Variants in SEMA3D observed in about 807,000 individuals in gnomAD.
SEMA3D encodes semaphorin 3D, also known as semaphorin-3D.
In SEMA3D, 84 loss-of-function variants were observed where a neutral mutation model predicts 100.1. The ratio of observed to expected loss-of-function variants is 0.84; its 90% CI spans 0.70 to 1.01. The LOEUF (loss-of-function observed/expected upper bound fraction) is 1.01, where lower values mean the gene tolerates loss of function less well. Ranked by LOEUF, SEMA3D falls within the 50% of genes least tolerant of loss-of-function variation. The probability of loss-of-function intolerance (pLI) is 0.00; values close to 1 mark genes in which losing one functional copy is unlikely to be tolerated. For missense variants in SEMA3D, 875 were observed against 934.1 expected, an observed-to-expected ratio of 0.94 and a Z score of 0.82; for synonymous variants, 312 against 320.7, an observed-to-expected ratio of 0.97 and a Z score of 0.29.
At chr7:85,187,850 A>G (rs746205039), upstream of SEMA3D, among the ~76,000 whole-genome samples, 6 of 152,210 alleles carry the variant, frequency 3.9e-5, no homozygotes, top group Non-Finnish European at 5.9e-5. Flanking sequence ...GGACATTAAA[A>G]AGGCCTGTGC....
At chr7:85,187,093 C>G (rs1475417235), upstream of SEMA3D, among the ~76,000 whole-genome samples, 1 of 152,136 alleles carries the variant, frequency 6.6e-6, no homozygotes, top group African/African-American at 2.4e-5. Flanking sequence ...GATTACCTTT[C>G]CCCTTCCGAT....
intron 6 of SEMA3D, among the ~76,000 whole-genome samples, chr7:85,069,720 C>T (rs1381603487): frequency 2.0e-5 from 3 of 152,104 alleles, no homozygotes; most frequent in Non-Finnish European, 4.4e-5. Flanking sequence ...AGTAAGAAAA[C>T]ATTTATTTAT....
Position 85,141,673 on chromosome 7 carries a change from G to A in SEMA3D, c.-41+11935C>T, listed in dbSNP as rs1790055497. On this transcript the variant is annotated intron_variant, in intron 2 of 18. Transcript: ENST00000284136. Reference sequence around the variant, plus strand: ...TCTAAATAAGAACATGTTCCTTTTGGGCTGAATAGTACCAGTTTACCTAAA... The same window carrying A: ...TCTAAATAAGAACATGTTCCTTTTGAGCTGAATAGTACCAGTTTACCTAAA... 3 of 979,996 alleles carry A rather than the reference G, an allele frequency of 3.1e-6. No homozygotes were observed. In the South Asian group the frequency reaches 1.4e-4, roughly 46 times the overall value. 60.7% of individuals were successfully genotyped at this position (979,996 alleles called of 1,614,324 possible). A position where few individuals can be genotyped will look rare whatever the true frequency, so the allele number is the denominator to read the frequency against.
At chr7:85,175,237 T>C (rs974179586) in intron 1 of SEMA3D, among the ~76,000 whole-genome samples, 4 of 152,144 alleles carry the variant, frequency 2.6e-5, no homozygotes, top group African/African-American at 7.2e-5. Context: ...ATAAAAGTAC[T>C]AGTTCCTGAA....
At position 85,123,866 on chromosome 7, in the gene SEMA3D, C is replaced by T. The variant is rs545497412; in HGVS notation, c.-40-1935G>A. Among the ~76,000 whole-genome samples, 26 of 152,080 alleles carry T rather than the reference C, an allele frequency of 1.7e-4. 1 individual carries two copies. The East Asian group carries it at 4.6e-3, about 27-fold the overall frequency. On this transcript the variant is annotated intron_variant, in intron 2 of 18. Transcript: ENST00000284136. ...GTTGTATTAAATATAACAAATATTGCATATTTTATTTACATTTAATTGACA... is the reference window on the plus strand; with the variant it reads ...GTTGTATTAAATATAACAAATATTGTATATTTTATTTACATTTAATTGACA...
At chr7:85,074,453 G>A (rs1465275184) in intron 5 of SEMA3D, among the ~76,000 whole-genome samples, 1 of 152,032 alleles carries the variant, frequency 6.6e-6, no homozygotes, top group Non-Finnish European at 1.5e-5. Flanking sequence ...TGATAGGATT[G>A]TTATGGCTGT....
intron 3 of SEMA3D, among the ~76,000 whole-genome samples, chr7:85,116,967 A>T (rs908751685): frequency 2.6e-5 from 4 of 152,182 alleles, no homozygotes; most frequent in Non-Finnish European, 4.4e-5. Flanking sequence ...CCCATGCCAC[A>T]GTTCCTTACA....
chr7:85,124,433 A>T (rs1057141465), intron 2 of SEMA3D, among the ~76,000 whole-genome samples: 1 of 152,038 alleles, frequency 6.6e-6, no homozygotes, highest in African/African-American at 2.4e-5. Context: ...CTTATCAGCC[A>T]TTGGCATCAT....
intron 12 of SEMA3D, chr7:85,028,108 TG>T: frequency 1.6e-6 from 1 of 633,048 alleles, no homozygotes; most frequent in South Asian, 1.5e-5. Context: ...CCTTTCACGG[TG>T]GTAAATGATG....
chr7:85,192,291 A>T, the SEMA3D span, among the ~76,000 whole-genome samples: 1 of 152,076 alleles, frequency 6.6e-6, no homozygotes, highest in Non-Finnish European at 1.5e-5. Flanking sequence ...TTAGTAACTA[A>T]GTGAATGTCA....
chr7:85,053,476 T>C (rs1791223782), intron 9 of SEMA3D, among the ~76,000 whole-genome samples: 1 of 151,704 alleles, frequency 6.6e-6, no homozygotes, highest in Non-Finnish European at 1.5e-5. Flanking sequence ...ACAGCAACAA[T>C]GATGCTGAGG....
chr7:85,071,843 C>T (rs1299818319), intron 6 of SEMA3D, among the ~76,000 whole-genome samples: 1 of 152,132 alleles, frequency 6.6e-6, no homozygotes, highest in African/African-American at 2.4e-5. Flanking sequence ...TTGATGGAAA[C>T]CTTGTTATGA....
At chr7:85,105,747 T>A (rs1788901311) in intron 3 of SEMA3D, among the ~76,000 whole-genome samples, 1 of 152,090 alleles carries the variant, frequency 6.6e-6, no homozygotes. Context: ...TTATAGATCA[T>A]TCTGTTCATT....
the SEMA3D span, among the ~76,000 whole-genome samples, chr7:85,210,004 T>A: frequency 6.6e-6 from 1 of 152,090 alleles, no homozygotes; most frequent in Non-Finnish European, 1.5e-5. Context: ...ACAGTGGAAC[T>A]CTAGGTTTGG....
At chr7:85,201,090 A>T in the SEMA3D span, among the ~76,000 whole-genome samples, 1 of 152,094 alleles carries the variant, frequency 6.6e-6, no homozygotes, top group South Asian at 2.1e-4. Context: ...TCTTCTTTTG[A>T]TATACCAAAA....
rs1214539619 is a variant in SEMA3D, at chr7:84,999,439, A to C, written c.*1T>G. On this transcript the variant is annotated 3_prime_UTR_variant, in exon 19 of 19. Coordinates refer to ENST00000284136, the MANE Select transcript of SEMA3D (RefSeq NM_001384900.1). The stretch of plus-strand genomic sequence containing the variant: ...TTCTTTTCTTTAAATTAAGTAGAAA[A>C]CTACGTGGCTACAGCTCTAGGGAGC... 1 of 1,611,410 alleles carries C rather than the reference A, an allele frequency of 6.2e-7. No individual in the cohort carries two copies. Among genetic ancestry groups the C allele is most frequent in the Admixed American group, 1.7e-5 (1 of 59,628 alleles).
chr7:85,007,002 A>G (rs1180381638), intron 17 of SEMA3D, 61 bp from the exon 18 acceptor site: 17 of 1,381,186 alleles, frequency 1.2e-5, no homozygotes, highest in Non-Finnish European at 1.7e-5. Context: ...CAATGGGAAA[A>G]CAGACTGATT....
chr7:85,005,354 G>A (rs1261574121), intron 18 of SEMA3D, among the ~76,000 whole-genome samples: 1 of 151,882 alleles, frequency 6.6e-6, no homozygotes, highest in African/African-American at 2.4e-5. Flanking sequence ...GGTAAAAAAT[G>A]GGACCCTTAA....
intron 8 of SEMA3D, among the ~76,000 whole-genome samples, chr7:85,057,235 G>A (rs1370292256): frequency 6.6e-6 from 1 of 151,916 alleles, no homozygotes; most frequent in Non-Finnish European, 1.5e-5. Flanking sequence ...AGAGGTATTC[G>A]GCATTTTAAG....
Sources: gnomAD v4.1 joint callset for allele counts (sites outside exome capture counted in the v4.1 genomes callset) on GRCh38, gnomAD v4.1.1 for gene constraint, MANE v1.5 for transcripts, NCBI Gene and HGNC (gene_info 2026-07-23, HGNC 2026-07-21) for gene names.